SMC5: variants seen among roughly 807,000 people sequenced by gnomAD.
SMC5 encodes structural maintenance of chromosomes 5, also known as structural maintenance of chromosomes protein 5.
Under a neutral mutation model 148.3 loss-of-function variants are expected in SMC5, and 88 were observed. That is an observed-to-expected ratio of 0.59 (90% CI 0.50 to 0.71). The LOEUF is 0.71. SMC5 is among the 30% of genes least tolerant of loss of function. The pLI, the probability that SMC5 is intolerant of heterozygous loss-of-function variation, is 0.00. For missense variants in SMC5, 1,142 were observed against 1,298.9 expected, an observed-to-expected ratio of 0.88 and a Z score of 1.86; for synonymous variants, 421 against 432.8, an observed-to-expected ratio of 0.97 and a Z score of 0.34.
intron 17 of SMC5, among the ~76,000 whole-genome samples, chr9:70,336,607 G>T (rs1057022212): frequency 6.6e-6 from 1 of 152,184 alleles, no homozygotes; most frequent in Admixed American, 6.5e-5. Context: ...CCTCATCAGG[G>T]CTTATTTCCT....
intron 9 of SMC5, among the ~76,000 whole-genome samples, chr9:70,299,724 A>T (rs911999807): frequency 1.3e-5 from 2 of 151,170 alleles, no homozygotes; most frequent in Non-Finnish European, 2.9e-5. Flanking sequence ...TTTCTTCCAG[A>T]ATTTTGAAGG....
intron 15 of SMC5, among the ~76,000 whole-genome samples, chr9:70,321,988 T>C (rs1010017023): frequency 6.6e-6 from 1 of 152,228 alleles, no homozygotes; most frequent in African/African-American, 2.4e-5. Flanking sequence ...AACAGCTCAT[T>C]GTCTTGAATA....
intron 9 of SMC5, 76 bp from the exon 10 acceptor site, chr9:70,299,970 T>TTTGTGTTATTATTAGATTATTTC: frequency 7.3e-7 from 1 of 1,363,274 alleles, no homozygotes; most frequent in Admixed American, 2.7e-5. Flanking sequence ...AGGGTATTCT[T>TTTGTGTTATTATTAGATTATTTC]TTGTGTTATT....
intron 3 of SMC5, among the ~76,000 whole-genome samples, chr9:70,271,173 GTATACAGGGATACTCAACCTGTA>G (rs1293753078): frequency 2.1e-5 from 3 of 144,814 alleles, no homozygotes; most frequent in Non-Finnish European, 3.0e-5. Context: ...GGATTTTGGA[GTATACAGGGATACTCAACCTGTA>G]TATCACAGTA....
chr9:70,299,496 G>A (rs948550783), intron 9 of SMC5, among the ~76,000 whole-genome samples: 1 of 151,820 alleles, frequency 6.6e-6, no homozygotes, highest in African/African-American at 2.4e-5. Context: ...TTTCTCTCGT[G>A]CCTTTTCTGT....
intron 2 of SMC5, among the ~76,000 whole-genome samples, chr9:70,265,144 G>A (rs1469463402): frequency 6.6e-6 from 1 of 152,104 alleles, no homozygotes; most frequent in Non-Finnish European, 1.5e-5. Context: ...GGAGGAGGAG[G>A]AGATAAGAAA....
intron 11 of SMC5, among the ~76,000 whole-genome samples, chr9:70,307,520 A>G (rs1179376388): frequency 6.6e-6 from 1 of 150,752 alleles, no homozygotes; most frequent in African/African-American, 2.4e-5. Context: ...TTTTTTTGAG[A>G]CAGAGTTTTG....
Position 70,286,182 on chromosome 9 carries a change from C to G in SMC5, c.982-18C>G. ...TTTTAACTAGCTGTCCCCCCCTCTC[C>G]CCGGTTTAATTTTACAGGCAACAGA... On this transcript the variant is annotated intron_variant, in intron 7 of 24. Transcript: ENST00000361138. 1 of 1,478,040 alleles carries G rather than the reference C, an allele frequency of 6.8e-7. No homozygotes were observed. The highest frequency in any genetic ancestry group is 1.7e-4 in the Middle Eastern group (1 of 5,764). 91.6% of individuals were successfully genotyped at this position (1,478,040 alleles called of 1,614,324 possible). A position where few individuals can be genotyped will look rare whatever the true frequency, so the allele number is the denominator to read the frequency against.
chr9:70,349,906 G>A (rs1798112527), intron 22 of SMC5, among the ~76,000 whole-genome samples: 1 of 152,026 alleles, frequency 6.6e-6, no homozygotes, highest in African/African-American at 2.4e-5. Flanking sequence ...ATAGTTCTTT[G>A]AAAACCCTTA....
At chr9:70,329,060 G>A (rs2036157284) in intron 17 of SMC5, among the ~76,000 whole-genome samples, 2 of 152,322 alleles carry the variant, frequency 1.3e-5, no homozygotes, top group East Asian at 1.9e-4. Context: ...GCACAGAGCG[G>A]CAGGGCCCTG....
At chr9:70,349,362 C>T (rs560762500) in intron 22 of SMC5, among the ~76,000 whole-genome samples, 128 of 152,236 alleles carry the variant, frequency 8.4e-4, no homozygotes, top group African/African-American at 2.7e-3. Flanking sequence ...CCACCACACC[C>T]GGCCTAATTA....
intron 18 of SMC5, among the ~76,000 whole-genome samples, chr9:70,345,462 C>G (rs1249717985): frequency 6.6e-6 from 1 of 151,932 alleles, no homozygotes; most frequent in Non-Finnish European, 1.5e-5. Context: ...GGAACTTGGT[C>G]AGGGAAGCCT....
At chr9:70,318,418 G>T in intron 13 of SMC5, 96 bp from the exon 14 acceptor site, 1 of 1,018,256 alleles carries the variant, frequency 9.8e-7, no homozygotes, top group Non-Finnish European at 1.4e-6. Context: ...CGTATATTTT[G>T]ATCTTCCAAA....
At position 70,277,391 on chromosome 9, in the gene SMC5, A is replaced by G; in HGVS notation, c.462A>G (p.Lys154=). The G allele has an allele frequency of 6.2e-7, 1 of 1,606,408 alleles. No individual in the cohort carries two copies. The part of the protein sequence containing the change: ...KNQSFWFINK[K]STTQKIVEEK... ...AGTCCTTTTGGTTCATCAACAAAAA[A>G]TCTACAACCCAGAAAATAGTGGAAG... Residue 154 remains lysine, a synonymous_variant, in exon 4 of 25, where the codon AAA becomes AAG. Transcript: ENST00000361138.
chr9:70,290,712 C>G (rs527820812), intron 8 of SMC5, among the ~76,000 whole-genome samples: 1 of 151,970 alleles, frequency 6.6e-6, no homozygotes, highest in Non-Finnish European at 1.5e-5. Context: ...TATTTAAAAT[C>G]GCTGTTTTAA....
intron 11 of SMC5, among the ~76,000 whole-genome samples, chr9:70,314,062 C>T (rs2035730520): frequency 6.6e-6 from 1 of 152,140 alleles, no homozygotes; most frequent in Non-Finnish European, 1.5e-5. Flanking sequence ...ATGGGGCAGC[C>T]AAGGATTTAG....
rs1431617775 is a variant in SMC5, at chr9:70,308,619, A to G, written c.1578+3259A>G. ...AAAAAAAAAAAAAAAAAAAAAAAAA[A>G]GAATTACTAATCTGTCCTACCATGA... is the stretch of plus-strand genomic sequence containing the variant. On this transcript the variant is annotated intron_variant, in intron 11 of 24. Transcript: ENST00000361138. 2.4e-5 allele frequency among the ~76,000 whole-genome samples: 3 copies of G among 126,354 alleles called. No individual in the cohort carries two copies. In the East Asian group the frequency reaches 6.9e-4, roughly 29 times the overall value. The allele number at this position is 126,354 out of a possible 152,430, so 82.9% of individuals were successfully genotyped here. A position where few individuals can be genotyped will look rare whatever the true frequency, so the allele number is the denominator to read the frequency against.
intron 11 of SMC5, among the ~76,000 whole-genome samples, chr9:70,305,817 C>A (rs1306345364): frequency 1.3e-5 from 2 of 152,150 alleles, no homozygotes; most frequent in African/African-American, 2.4e-5. Flanking sequence ...CACTAAGAAT[C>A]TAAGCCACCG....
intron 15 of SMC5, among the ~76,000 whole-genome samples, 177 bp from the exon 16 acceptor site, chr9:70,323,306 A>G (rs946402433): frequency 2.0e-5 from 3 of 152,218 alleles, no homozygotes; most frequent in African/African-American, 7.2e-5. Context: ...TGACTGTTTT[A>G]TAAACAATAT....
Sources: gnomAD v4.1 joint callset for allele counts (sites outside exome capture counted in the v4.1 genomes callset) on GRCh38, gnomAD v4.1.1 for gene constraint, MANE v1.5 for transcripts, NCBI Gene and HGNC (gene_info 2026-07-23, HGNC 2026-07-21) for gene names.